The following MPP7 variants were observed in gnomAD, a reference collection of about 807,000 sequenced individuals.
MPP7 encodes MAGUK p55 subfamily member 7.
In MPP7, 60 loss-of-function variants were observed where a neutral mutation model predicts 76.5. The ratio of observed to expected loss-of-function variants is 0.78; its 90% CI spans 0.64 to 0.97. The LOEUF is 0.97. Ranked by LOEUF, MPP7 falls within the 50% of genes least tolerant of loss-of-function variation. The pLI is 0.00. For missense variants in MPP7, 641 were observed against 694.0 expected, an observed-to-expected ratio of 0.92 and a Z score of 0.86; for synonymous variants, 237 against 244.5, an observed-to-expected ratio of 0.97 and a Z score of 0.29.
intron 3 of MPP7, among the ~76,000 whole-genome samples, chr10:28,175,220 G>A (rs1017959810): frequency 6.6e-6 from 1 of 152,014 alleles, no homozygotes; most frequent in African/African-American, 2.4e-5. Context: ...AACCCAGGGG[G>A]CAGAGGGTGC....
At chr10:28,092,740 A>T (rs1255770481) in intron 11 of MPP7, among the ~76,000 whole-genome samples, 1 of 105,518 alleles carries the variant, frequency 9.5e-6, no homozygotes, top group Non-Finnish European at 1.7e-5. Flanking sequence ...ACCTGGCTCA[A>T]TTTTTTTTTT....
At chr10:28,143,284 A>G (rs1299198698) in intron 5 of MPP7, among the ~76,000 whole-genome samples, 2 of 152,342 alleles carry the variant, frequency 1.3e-5, no homozygotes, top group East Asian at 3.9e-4. Context: ...AAGCATAGGA[A>G]AAGATATGCA....
intron 6 of MPP7, among the ~76,000 whole-genome samples, chr10:28,128,452 C>T (rs902413977): frequency 3.9e-5 from 6 of 152,098 alleles, no homozygotes; most frequent in African/African-American, 1.2e-4. Flanking sequence ...ATTTGGGATG[C>T]TCACTCTGCA....
chr10:28,080,237 T>C (rs983082784), intron 12 of MPP7, among the ~76,000 whole-genome samples: 6 of 152,206 alleles, frequency 3.9e-5, no homozygotes, highest in East Asian at 1.9e-4. Context: ...TACGCTTATA[T>C]AGACTGACTA....
chr10:28,307,773 A>G (rs1350013398), upstream of MPP7: 1 of 152,202 alleles, frequency 6.6e-6, no homozygotes, highest in Non-Finnish European at 1.5e-5. Flanking sequence ...CAGCCAAGCT[A>G]TGGAACTCCA....
At chr10:28,249,800 T>C (rs1023134913) in intron 1 of MPP7, among the ~76,000 whole-genome samples, 1 of 152,126 alleles carries the variant, frequency 6.6e-6, no homozygotes, top group African/African-American at 2.4e-5. Flanking sequence ...CACCTTCCCC[T>C]GGTGGGAGGA....
rs963681854 is a variant in MPP7 at position 28,173,053 on chromosome 10, G to A, written c.157-22994C>T. On this transcript the variant is annotated intron_variant, in intron 3 of 16. Coordinates refer to ENST00000683449, the MANE Select transcript of MPP7 (RefSeq NM_001318170.2). ...TGGACACAAAATAAAATGTTTGATC[G>A]ACTTTTAAATAAAATATAAGCCGGG... Among the ~76,000 whole-genome samples, 9 of 152,032 alleles carry A rather than the reference G, an allele frequency of 5.9e-5. No homozygotes were observed. In the East Asian group the frequency reaches 9.7e-4, roughly 16 times the overall value.
chr10:28,063,189 A>G (rs1851860362), intron 13 of MPP7, among the ~76,000 whole-genome samples: 1 of 152,148 alleles, frequency 6.6e-6, no homozygotes, highest in Non-Finnish European at 1.5e-5. Context: ...GGCCAGGCAC[A>G]GTGCCTCATA....
chr10:28,220,168 T>C (rs1239090488), intron 2 of MPP7, among the ~76,000 whole-genome samples: 2 of 152,134 alleles, frequency 1.3e-5, no homozygotes, highest in African/African-American at 4.8e-5. Context: ...TACCTAACTT[T>C]CATTTGTACA....
intron 11 of MPP7, among the ~76,000 whole-genome samples, chr10:28,108,683 T>C (rs1040041330): frequency 6.8e-6 from 1 of 146,014 alleles, no homozygotes; most frequent in African/African-American, 2.7e-5. Flanking sequence ...TAAAATAAAA[T>C]AATATAAAAT....
In MPP7 at chr10:28,290,033, G is replaced by C. The variant is rs186278756; in HGVS notation, c.-132+12828C>G. The stretch of plus-strand genomic sequence containing the variant: ...GGGGTTTCACTATGTTGCCCAGGTT[G>C]GTCTCAAACTCCTGAGTTCAGGCCA... On this transcript the variant is annotated intron_variant, in intron 1 of 16. Coordinates refer to ENST00000683449, the MANE Select transcript of MPP7 (RefSeq NM_001318170.2). Among the ~76,000 whole-genome samples the C allele has an allele frequency of 2.0e-5, 3 of 152,226 alleles. No homozygotes were observed. The East Asian group carries it at 5.8e-4, about 29-fold the overall frequency.
At chr10:28,111,519 T>C (rs1003422541) in intron 11 of MPP7, among the ~76,000 whole-genome samples, 2 of 152,280 alleles carry the variant, frequency 1.3e-5, no homozygotes, top group Middle Eastern at 3.4e-3. Context: ...CAGTTTTGTT[T>C]GTAAATCAAT....
At chr10:28,251,875 A>T (rs1027817628) in intron 1 of MPP7, among the ~76,000 whole-genome samples, 4 of 152,182 alleles carry the variant, frequency 2.6e-5, no homozygotes, top group African/African-American at 4.8e-5. Flanking sequence ...TGAGCAACAC[A>T]GTAATGACCC....
At chr10:28,085,866 T>G (rs1354987712) in intron 12 of MPP7, among the ~76,000 whole-genome samples, 1 of 151,410 alleles carries the variant, frequency 6.6e-6, no homozygotes, top group East Asian at 1.9e-4. Flanking sequence ...AAAAATAAAG[T>G]GAGAAAAGGG....
chr10:28,089,452 T>C (rs1202249531), intron 12 of MPP7, among the ~76,000 whole-genome samples: 2 of 152,178 alleles, frequency 1.3e-5, no homozygotes, highest in African/African-American at 4.8e-5. Flanking sequence ...TTGACAAAGG[T>C]TCCACTAAAA....
At chr10:28,262,259 G>T (rs11006967) in intron 1 of MPP7, among the ~76,000 whole-genome samples, 2 of 13,844 alleles carry the variant, frequency 1.4e-4, no homozygotes, top group East Asian at 2.4e-3. Flanking sequence ...ATATATATAT[G>T]TATATATATA....
intron 1 of MPP7, among the ~76,000 whole-genome samples, chr10:28,248,482 T>C (rs1192918742): frequency 1.3e-5 from 2 of 152,190 alleles, no homozygotes; most frequent in African/African-American, 4.8e-5. Flanking sequence ...TGGCATCTTC[T>C]CAGCTTCCTT....
chr10:28,284,976 C>A (rs969731254), intron 1 of MPP7, among the ~76,000 whole-genome samples: 1 of 152,116 alleles, frequency 6.6e-6, no homozygotes, highest in African/African-American at 2.4e-5. Context: ...CAGAATAGAA[C>A]AAAATGACTT....
At position 28,313,861 on chromosome 10, in the gene MPP7, TTTTTTATTTTTTTTA is replaced by T. The variant is rs1260509538; in HGVS notation, c.-132+16053_-132+16067del. ...GCCACTATACCTGGCTAATTTTTTTTTTTTTATTTTTTTTATTTTTTTTTGGTAGAGACAGGGTTT... is the reference window on the plus strand; with the variant it reads ...GCCACTATACCTGGCTAATTTTTTTTTTTTTTTTTGGTAGAGACAGGGTTT... On this transcript the variant is annotated intron_variant, in intron 2 of 11. Coordinates refer to the MPP7 transcript ENST00000441595. Among the ~76,000 whole-genome samples the T allele has an allele frequency of 2.4e-4, 11 of 45,318 alleles. 1 individual carries two copies. Among genetic ancestry groups the T allele is most frequent in the African/African-American group, 1.0e-3 (8 of 7,976 alleles). 29.7% of individuals were successfully genotyped at this position (45,318 alleles called of 152,430 possible). A position where few individuals can be genotyped will look rare whatever the true frequency, so the allele number is the denominator to read the frequency against.
Sources: allele counts gnomAD v4.1 joint callset (sites outside exome capture counted in the v4.1 genomes callset), GRCh38; gene constraint gnomAD v4.1.1; transcripts MANE v1.5; gene names NCBI Gene and HGNC (gene_info 2026-07-23, HGNC 2026-07-21).